Variants in NCBP3 observed in about 807,000 individuals in gnomAD.
The protein encoded by NCBP3 is nuclear cap-binding protein subunit 3.
NCBP3 carries 20 observed loss-of-function variants against 75.7 expected under a neutral mutation model. The ratio of observed to expected loss-of-function variants is 0.26; its 90% CI spans 0.19 to 0.38. The LOEUF is 0.38. Among genes scored for constraint, NCBP3 ranks in the 10% least tolerant of loss-of-function variants. NCBP3 has a pLI of 1.00. For synonymous variants in NCBP3, 293 were observed against 290.5 expected (o/e 1.01, Z -0.09); for missense variants, 678 against 796.9 (o/e 0.85, Z 1.80).
Position 3,846,120 on chromosome 17 carries a change from C to T in NCBP3, c.104G>A (p.Gly35Asp), listed in dbSNP as rs1184418323. The T allele has an allele frequency of 1.3e-6, 2 of 1,548,268 alleles. No homozygotes were observed. Among genetic ancestry groups the T allele is most frequent in the East Asian group, 2.5e-5 (1 of 40,262 alleles). Residue 35 changes from glycine to aspartate, a missense_variant, in exon 1 of 13, where the codon GGC (glycine) becomes GAC (aspartate). By Grantham distance (94) the Gly-to-Asp change is moderately conservative. Transcript: ENST00000389005. This position sits in a 1 kb window ranked among gnomAD's most constrained non-coding sequence, Gnocchi z 4.6. ...SPEAESGVDR[G>D]EPEPMEVEEG... is the part of the protein sequence containing the mutation. ...CTCCACCTCCATGGGCTCCGGCTCG[C>T]CACGGTCAACACCGGACTCCGCCTC...
intron 1 of NCBP3, among the ~76,000 whole-genome samples, chr17:3,844,137 T>G (rs2054115302): frequency 1.3e-5 from 2 of 152,182 alleles, no homozygotes; most frequent in South Asian, 4.1e-4. Flanking sequence ...ACCCTCCACC[T>G]CAACGCAGAA....
intron 12 of NCBP3, among the ~76,000 whole-genome samples, chr17:3,813,744 GTTTT>G (rs1312259728): frequency 6.6e-6 from 1 of 152,156 alleles, no homozygotes; most frequent in East Asian, 1.9e-4. Flanking sequence ...ATTCAAAGTT[GTTTT>G]TGTTTTTGTT....
Position 3,846,154 on chromosome 17 carries a change from G to A in NCBP3, c.70C>T (p.Pro24Ser), listed in dbSNP as rs1336024591. ...EAPAGPALGL[P>S]SPEAESGVDR... ...ACACCGGACTCCGCCTCAGGGGACGGGAGCCCCAGGGCCGGCCCCGCCGGG... is the reference window on the plus strand; with the variant it reads ...ACACCGGACTCCGCCTCAGGGGACGAGAGCCCCAGGGCCGGCCCCGCCGGG... Residue 24 changes from proline (P) to serine (S), a missense_variant, in exon 1 of 13, where the codon CCG (proline) becomes TCG (serine). By Grantham distance (74) the Pro-to-Ser change is moderately conservative. Around this residue, in one of 7 missense-constraint regions of NCBP3, gnomAD observed 76 missense variants for 53.8 expected, o/e 1.41. Coordinates refer to ENST00000389005, the MANE Select transcript of NCBP3 (RefSeq NM_001114118.3). The surrounding 1 kb of genome is among the most constrained non-coding windows in gnomAD (Gnocchi z 4.6). 1 of 1,537,624 alleles carries A rather than the reference G, an allele frequency of 6.5e-7. No individual in the cohort carries two copies. The highest frequency in any genetic ancestry group is 8.8e-7 in the Non-Finnish European group (1 of 1,141,494).
chr17:3,821,829 T>A, intron 8 of NCBP3, 124 bp downstream of exon 8: 2 of 674,244 alleles, frequency 3.0e-6, no homozygotes, highest in South Asian at 3.8e-5. Flanking sequence ...CATCTAAGAA[T>A]CTTGAATTCT....
intron 3 of NCBP3, 109 bp from the exon 4 acceptor site, chr17:3,829,477 A>G (rs1462892817): frequency 4.2e-6 from 5 of 1,198,476 alleles, no homozygotes; most frequent in Admixed American, 2.8e-5. Context: ...AGAAAGAAAC[A>G]TGCTGAGAGA....
rs1485681956 is a variant in NCBP3 at position 3,804,346 on chromosome 17, A to C, written c.*8698T>G. 3 of 151,972 alleles carry C rather than the reference A, an allele frequency of 2.0e-5. No individual in the cohort carries two copies. Among genetic ancestry groups the C allele is most frequent in the African/African-American group, 7.3e-5 (3 of 41,334 alleles). 9.4% of individuals were successfully genotyped at this position (151,972 alleles called of 1,614,324 possible). A position where few individuals can be genotyped will look rare whatever the true frequency, so the allele number is the denominator to read the frequency against. On this transcript the variant is annotated 3_prime_UTR_variant, in exon 13 of 13. Coordinates refer to ENST00000389005, the MANE Select transcript of NCBP3 (RefSeq NM_001114118.3). ...CGGATCGCCTGAGTTCAGGAGTTTG[A>C]GACCAGCCTGGGCAACATGGTGAAA...
intron 7 of NCBP3, chr17:3,824,484 CATATAT>C (rs1346162014): frequency 1.3e-5 from 2 of 155,906 alleles, no homozygotes; most frequent in African/African-American, 4.8e-5. Context: ...CATACATATA[CATATAT>C]ACACATACAT....
intron 3 of NCBP3, among the ~76,000 whole-genome samples, chr17:3,837,167 AAAAT>A (rs1348101353): frequency 1.3e-5 from 2 of 150,650 alleles, no homozygotes; most frequent in African/African-American, 2.4e-5. Context: ...ATAAAAAATA[AAAAT>A]AAATAAATAA....
chr17:3,813,741 G>GTTGTTT (rs796108337), intron 12 of NCBP3, among the ~76,000 whole-genome samples: 2 of 152,212 alleles, frequency 1.3e-5, no homozygotes, highest in South Asian at 2.1e-4. Context: ...GCAATTCAAA[G>GTTGTTT]TTGTTTTTGT....
Position 3,821,949 on chromosome 17 carries a change from T to C in NCBP3, c.896+4A>G, listed in dbSNP as rs764553262. On this transcript the variant is annotated splice_donor_region_variant and intron_variant, in intron 8 of 12. Transcript: ENST00000389005. ...ACTATTGCATTTGAAGGTTTTGGAC[T>C]CACCATGAATTGCTAAGAATTCCTT... The C allele has an allele frequency of 1.3e-6, 2 of 1,587,038 alleles. No homozygotes were observed. The highest frequency in any genetic ancestry group is 2.2e-5 in the South Asian group (2 of 89,426).
intron 3 of NCBP3, 107 bp downstream of exon 3, chr17:3,839,993 T>C: frequency 1.3e-6 from 1 of 779,564 alleles, no homozygotes; most frequent in Non-Finnish European, 2.1e-6. Flanking sequence ...CAAGAGTGCT[T>C]GGATAAGGAG....
intron 2 of NCBP3, among the ~76,000 whole-genome samples, chr17:3,842,218 A>C (rs1597416875): frequency 6.6e-6 from 1 of 152,298 alleles, no homozygotes; most frequent in Non-Finnish European, 1.5e-5. Context: ...TGAAGTCAGG[A>C]ATTCAAGACC....
chr17:3,814,517 G>A, intron 11 of NCBP3, 34 bp from the exon 12 acceptor site: 4 of 1,610,466 alleles, frequency 2.5e-6, no homozygotes, highest in Non-Finnish European at 2.5e-6. Flanking sequence ...CAGTGACCGT[G>A]TGTGTGCTTT....
chr17:3,821,402 C>G (rs1278340308), intron 8 of NCBP3, 50 bp from the exon 9 acceptor site: 4 of 1,390,702 alleles, frequency 2.9e-6, no homozygotes, highest in Non-Finnish European at 4.1e-6. Flanking sequence ...TAGGAAGGAC[C>G]TTGAAATCCA....
At chr17:3,822,173 A>T in intron 7 of NCBP3, 121 bp from the exon 8 acceptor site, 1 of 673,642 alleles carries the variant, frequency 1.5e-6, no homozygotes, top group Non-Finnish European at 2.6e-6. Context: ...ACAAAAAGTA[A>T]AAATCCACTA....
chr17:3,832,744 C>G (rs1046294783), intron 3 of NCBP3, among the ~76,000 whole-genome samples: 1 of 152,070 alleles, frequency 6.6e-6, no homozygotes, highest in Non-Finnish European at 1.5e-5. Flanking sequence ...TTAGCCCATC[C>G]TTCTTCTGCA....
intron 6 of NCBP3, among the ~76,000 whole-genome samples, 164 bp downstream of exon 6, chr17:3,825,603 G>C (rs982915807): frequency 6.6e-5 from 10 of 152,022 alleles, no homozygotes; most frequent in Admixed American, 6.6e-4. Context: ...AAGGTGAATC[G>C]CTATATCCAC....
Position 3,804,673 on chromosome 17 carries a change from G to A in NCBP3, c.*8371C>T, listed in dbSNP as rs113199746. 3 of 152,504 alleles carry A rather than the reference G, an allele frequency of 2.0e-5. No individual in the cohort carries two copies. Among genetic ancestry groups the A allele is most frequent in the Non-Finnish European group, 4.4e-5 (3 of 68,156 alleles). 9.4% of individuals were successfully genotyped at this position (152,504 alleles called of 1,614,324 possible). A position where few individuals can be genotyped will look rare whatever the true frequency, so the allele number is the denominator to read the frequency against. On this transcript the variant is annotated 3_prime_UTR_variant, in exon 13 of 13. Transcript: ENST00000389005. ...TCTGACTCTTAGGAAGCCAGAAAGA[G>A]TGACGGCATTGCTGAGACCAGAGCC...
chr17:3,822,026 T>G lies in NCBP3; in HGVS notation c.823A>C (p.Arg275=), dbSNP rs750555959. The G allele has an allele frequency of 1.2e-6, 2 of 1,611,836 alleles. No homozygotes were observed. Among genetic ancestry groups the G allele is most frequent in the Non-Finnish European group, 1.7e-6 (2 of 1,179,022 alleles). ...TATTTCATGTAATACTGACTTCTTC[T>G]GGCTGCTCCAAGTTCCTTTTTGTCA... is the stretch of plus-strand genomic sequence containing the variant. ...KDDKKELGAA[R]RSQYYMKYGN... The change falls in exon 8 of 13, where the codon AGA becomes CGA. Residue 275 remains arginine, a synonymous_variant. Transcript: ENST00000389005.
Sources: gnomAD v4.1 joint callset for allele counts (sites outside exome capture counted in the v4.1 genomes callset) on GRCh38, gnomAD v4.1.1 for gene constraint, gnomAD v4.1.1 regional missense constraint, Gnocchi (gnomAD v3.1) non-coding constraint, MANE v1.5 for transcripts, NCBI Gene and HGNC (gene_info 2026-07-23, HGNC 2026-07-21) for gene names.